The following USP40 variants were observed in gnomAD, a reference collection of about 807,000 sequenced individuals.
USP40 encodes the protein ubiquitin specific peptidase 40.
USP40 carries 143 observed loss-of-function variants against 166.2 expected under a neutral mutation model. The ratio of observed to expected loss-of-function variants is 0.86; its 90% CI spans 0.75 to 0.99. The LOEUF (loss-of-function observed/expected upper bound fraction) is 0.99. Ranked by LOEUF, USP40 falls within the 50% of genes least tolerant of loss-of-function variation. The pLI, the probability that USP40 is intolerant of heterozygous loss-of-function variation, is 0.00. For synonymous variants in USP40, 498 were observed against 524.0 expected (o/e 0.95, Z 0.68); for missense variants, 1,444 against 1,479.7 (o/e 0.98, Z 0.40).
Position 233,493,607 on chromosome 2 carries a change from C to A in USP40, c.2791-56G>T. 1 of 1,510,998 alleles carries A rather than the reference C, an allele frequency of 6.6e-7. No homozygotes were observed. Among genetic ancestry groups the A allele is most frequent in the Non-Finnish European group, 8.9e-7 (1 of 1,123,872 alleles). 93.6% of individuals were successfully genotyped at this position (1,510,998 alleles called of 1,614,324 possible). On this transcript the variant is annotated intron_variant, in intron 24 of 31. Coordinates refer to ENST00000678225, the MANE Select transcript of USP40 (RefSeq NM_001365479.2). The surrounding 1 kb of genome is among the most constrained non-coding windows in gnomAD (Gnocchi z 4.7). The stretch of plus-strand genomic sequence containing the variant: ...ATTACAAAGATTAAGTGAAACTCTA[C>A]TTTTACTTCCATAGAAAGAAACACC...
intron 21 of USP40, among the ~76,000 whole-genome samples, chr2:233,509,067 T>A (rs993655403): frequency 6.6e-6 from 1 of 152,188 alleles, no homozygotes; most frequent in South Asian, 2.1e-4. Flanking sequence ...TAAGATGCCC[T>A]GGTTCCTGTT....
chr2:233,520,900 C>T, intron 17 of USP40, 91 bp downstream of exon 17: 1 of 1,405,644 alleles, frequency 7.1e-7, no homozygotes, highest in Non-Finnish European at 9.6e-7. Context: ...TCTATTGAGA[C>T]AACTGTTCTG....
intron 16 of USP40, 42 bp from the exon 17 acceptor site, chr2:233,521,156 T>C: frequency 6.3e-7 from 1 of 1,578,266 alleles, no homozygotes; most frequent in Non-Finnish European, 8.6e-7. Flanking sequence ...TACCTTTCCT[T>C]AGGCATCACT....
chr2:233,515,108 G>A (rs528867764), intron 18 of USP40, among the ~76,000 whole-genome samples: 6 of 152,288 alleles, frequency 3.9e-5, no homozygotes, highest in South Asian at 2.1e-4. Flanking sequence ...CTTCAGTGAC[G>A]AACAGTATCC....
At position 233,565,415 on chromosome 2, in the gene USP40, C is replaced by T. The variant is rs2072052686; in HGVS notation, c.140G>A (p.Gly47Asp). Residue 47 changes from glycine (G) to aspartate (D), a missense_variant, in exon 2 of 32, where the codon GGT (glycine) becomes GAT (aspartate). Coordinates refer to ENST00000678225, the MANE Select transcript of USP40 (RefSeq NM_001365479.2). ...FTNLSGIRNQ[G>D]GTCYLNSLLQ... ...AAGGGAATTGAGGTAACAGGTTCCACCCTGATTTCTGATTCCGCTTAAATT... is the reference window on the plus strand; with the variant it reads ...AAGGGAATTGAGGTAACAGGTTCCATCCTGATTTCTGATTCCGCTTAAATT... 2 of 1,537,154 alleles carry T rather than the reference C, an allele frequency of 1.3e-6. No individual in the cohort carries two copies. The highest frequency in any genetic ancestry group is 2.0e-5 in the Admixed American group (1 of 50,968).
At chr2:233,523,065 G>T (rs1017488547) in intron 16 of USP40, 105 bp downstream of exon 16, 1 of 1,221,760 alleles carries the variant, frequency 8.2e-7, no homozygotes, top group Non-Finnish European at 1.1e-6. Context: ...TAGAAATAAA[G>T]AAACATTCAA....
At chr2:233,503,391 C>T (rs2066210767) in intron 21 of USP40, among the ~76,000 whole-genome samples, 2 of 152,040 alleles carry the variant, frequency 1.3e-5, no homozygotes, top group Admixed American at 1.3e-4. Context: ...TTCCCAAGTC[C>T]AGGAGAGATA....
chr2:233,497,400 G>A (rs1303151248), intron 23 of USP40, among the ~76,000 whole-genome samples: 1 of 152,098 alleles, frequency 6.6e-6, no homozygotes, highest in African/African-American at 2.4e-5. Flanking sequence ...AGCAGGGAAC[G>A]CCTGGGCCCA....
At chr2:233,554,216 A>C in intron 6 of USP40, 164 bp downstream of exon 6, 1 of 784,094 alleles carries the variant, frequency 1.3e-6, no homozygotes, top group Non-Finnish European at 1.7e-6. Context: ...GAAAGCCTTA[A>C]AAATTCATTA....
At position 233,476,007 on chromosome 2, in the gene USP40, G is replaced by A; in HGVS notation, c.*1385C>T. 6.6e-6 allele frequency: 1 copy of A among 152,500 alleles called. No individual in the cohort carries two copies. The highest frequency in any genetic ancestry group is 1.9e-4 in the East Asian group (1 of 5,300). 9.4% of individuals were successfully genotyped at this position (152,500 alleles called of 1,614,324 possible). The stretch of plus-strand genomic sequence containing the variant: ...TGGGAGGCAGCTGCTAGTCAGAGTT[G>A]GGTCCTTAGGGCGCAGTGCTTCACG... On this transcript the variant is annotated 3_prime_UTR_variant, in exon 32 of 32. Coordinates refer to ENST00000678225, the MANE Select transcript of USP40 (RefSeq NM_001365479.2).
intron 21 of USP40, among the ~76,000 whole-genome samples, chr2:233,508,984 C>A (rs1230403822): frequency 6.6e-6 from 1 of 152,182 alleles, no homozygotes; most frequent in African/African-American, 2.4e-5. Flanking sequence ...AGCGGCTTCA[C>A]TGCTTTCTGT....
At chr2:233,495,705 C>T (rs1210069587) in intron 24 of USP40, among the ~76,000 whole-genome samples, 2 of 152,082 alleles carry the variant, frequency 1.3e-5, no homozygotes, top group South Asian at 2.1e-4. Context: ...AGCTGCCTGT[C>T]GGGGAGAGGA....
chr2:233,544,072 C>A (rs1470514922), intron 8 of USP40, among the ~76,000 whole-genome samples: 1 of 152,142 alleles, frequency 6.6e-6, no homozygotes, highest in Non-Finnish European at 1.5e-5. Context: ...CTTCAAACAC[C>A]AACTACATAC....
chr2:233,490,959 T>C (rs549021343), intron 26 of USP40: 9 of 694,850 alleles, frequency 1.3e-5, no homozygotes, highest in South Asian at 1.2e-4. Context: ...ACAGCATGCC[T>C]GTCAGAGGAG....
chr2:233,533,086 T>C (rs2068667563), intron 11 of USP40, among the ~76,000 whole-genome samples: 1 of 150,620 alleles, frequency 6.6e-6, no homozygotes, highest in African/African-American at 2.4e-5. Context: ...ATCAGGAAAA[T>C]AAAGGAGAAG....
chr2:233,505,746 A>G (rs144798968), intron 21 of USP40, among the ~76,000 whole-genome samples: 3 of 152,316 alleles, frequency 2.0e-5, no homozygotes, highest in African/African-American at 7.2e-5. Flanking sequence ...CAAACATTTA[A>G]AGAATATCAA....
At chr2:233,548,092 G>A (rs1044403326) in intron 8 of USP40, among the ~76,000 whole-genome samples, 1 of 152,102 alleles carries the variant, frequency 6.6e-6, no homozygotes, top group Non-Finnish European at 1.5e-5. Flanking sequence ...AGACATAACA[G>A]AACTGGCATA....
chr2:233,496,894 T>TTTTATC, intron 23 of USP40, 62 bp from the exon 24 acceptor site: 1 of 1,265,416 alleles, frequency 7.9e-7, no homozygotes, highest in Non-Finnish European at 1.1e-6. Context: ...ATCATTGATC[T>TTTTATC]TTTTAAAACC....
rs552196214 is a variant in USP40 at position 233,561,241 on chromosome 2, A to G, written c.268-1317T>C. ...AAAATAAAGTTCATATGGAACCAAAAAAGAGCCCGCATCGCCAAGTCAATC... is the reference window on the plus strand; with the variant it reads ...AAAATAAAGTTCATATGGAACCAAAGAAGAGCCCGCATCGCCAAGTCAATC... On this transcript the variant is annotated intron_variant, in intron 3 of 31. Coordinates refer to ENST00000678225, the MANE Select transcript of USP40 (RefSeq NM_001365479.2). The G allele has an allele frequency of 1.3e-4, 205 of 1,533,248 alleles. 3 individuals are homozygous for G. In the Admixed American group the frequency reaches 2.4e-3, roughly 18 times the overall value. The allele number at this position is 1,533,248 out of a possible 1,614,324, so 95.0% of individuals were successfully genotyped here. A position where few individuals can be genotyped will look rare whatever the true frequency, so the allele number is the denominator to read the frequency against.
Sources: allele counts gnomAD v4.1 joint callset (sites outside exome capture counted in the v4.1 genomes callset), GRCh38; gene constraint gnomAD v4.1.1; non-coding constraint Gnocchi (gnomAD v3.1); transcripts MANE v1.5; gene names NCBI Gene and HGNC (gene_info 2026-07-23, HGNC 2026-07-21).